Variants in CRB1 observed in about 807,000 individuals in gnomAD.
The protein encoded by CRB1 is crumbs cell polarity complex component 1, also known as protein crumbs homolog 1.
CRB1 carries 83 observed loss-of-function variants against 120.0 expected under a neutral mutation model. The observed-to-expected ratio is 0.69, with a 90% CI of 0.58 to 0.83. The LOEUF is 0.83. CRB1 is among the 40% of genes least tolerant of loss of function. CRB1 has a pLI of 0.00. For missense variants in CRB1, 1,699 were observed against 1,687.6 expected (o/e 1.01, Z -0.12); for synonymous variants, 625 against 612.5 (o/e 1.02, Z -0.30).
At chr1:197,430,516 T>C (rs981316959) in intron 8 of CRB1, among the ~76,000 whole-genome samples, 1 of 152,144 alleles carries the variant, frequency 6.6e-6, no homozygotes, top group Admixed American at 6.5e-5. Flanking sequence ...TTGTCCGCAA[T>C]ATGCTTCTGA....
At chr1:197,307,719 C>T (rs1298430783) in intron 1 of CRB1, among the ~76,000 whole-genome samples, 1 of 152,140 alleles carries the variant, frequency 6.6e-6, no homozygotes, top group Non-Finnish European at 1.5e-5. Flanking sequence ...TGATGAGTTA[C>T]TCATTAATGT....
chr1:197,269,859 T>G (rs1203821646), intron 1 of CRB1, among the ~76,000 whole-genome samples: 1 of 152,196 alleles, frequency 6.6e-6, no homozygotes, highest in Non-Finnish European at 1.5e-5. Context: ...GTTTTTGCTC[T>G]CTTTGAGTAA....
intron 1 of CRB1, among the ~76,000 whole-genome samples, chr1:197,309,673 G>A (rs1175581221): frequency 1.3e-5 from 2 of 151,940 alleles, no homozygotes; most frequent in East Asian, 3.9e-4. Context: ...AGAATGGCAT[G>A]AACCCGGGAG....
chr1:197,460,217 C>T (rs1234693992), intron 11 of CRB1, among the ~76,000 whole-genome samples: 1 of 151,798 alleles, frequency 6.6e-6, no homozygotes, highest in African/African-American at 2.4e-5. Flanking sequence ...AAAAAAGAGT[C>T]TCTGGGGCAA....
At chr1:197,357,144 C>T in intron 5 of CRB1, 131 bp downstream of exon 5, 1 of 879,218 alleles carries the variant, frequency 1.1e-6, no homozygotes, top group Non-Finnish European at 1.9e-6. Flanking sequence ...AAAGGGTCCC[C>T]CTTGTGGGCA....
chr1:197,300,606 G>C lies in CRB1; in HGVS notation c.71-27816G>C, dbSNP rs962713741. On this transcript the variant is annotated intron_variant, in intron 1 of 11. Transcript: ENST00000367400. ...GGAAGAAGCCATCTCCATAACATAA[G>C]AGTGCAAGGTGAAGTAGCAGGTGCT... 1.3e-4 allele frequency among the ~76,000 whole-genome samples: 20 copies of C among 150,616 alleles called. No homozygotes were observed. The South Asian group carries it at 1.7e-3, about 12-fold the overall frequency.
At chr1:197,351,187 C>CAAAAAAAAAAAAAAAAAAAA (rs780090689) in intron 4 of CRB1, among the ~76,000 whole-genome samples, 2 of 85,392 alleles carry the variant, frequency 2.3e-5, no homozygotes, top group Non-Finnish European at 4.4e-5. Flanking sequence ...ACTAAAAATA[C>CAAAAAAAAAAAAAAAAAAAA]AAAAAAAAAA....
At chr1:197,336,476 A>G (rs1308824860) in intron 2 of CRB1, among the ~76,000 whole-genome samples, 1 of 152,222 alleles carries the variant, frequency 6.6e-6, no homozygotes, top group East Asian at 1.9e-4. Context: ...TTGTTTTTAT[A>G]TGCGCTTAAT....
chr1:197,258,114 T>C, the CRB1 span, among the ~76,000 whole-genome samples: 1 of 152,196 alleles, frequency 6.6e-6, no homozygotes, highest in African/African-American at 2.4e-5. Flanking sequence ...GATAACACAA[T>C]AGGGTGACTA....
In CRB1 at chr1:197,438,655, G is replaced by T. The variant is rs765260834; in HGVS notation, c.3858G>T (p.Arg1286=). The change falls in exon 10 of 12, where the codon CGG becomes CGT. Residue 1286 remains arginine (R), a synonymous_variant. Coordinates refer to ENST00000367400, the MANE Select transcript of CRB1 (RefSeq NM_201253.3). ...EFQTELKCMC[R]PGFTGEWCEK... is the part of the protein sequence containing the mutation. ...AGACTGAATTAAAATGTATGTGCCG[G>T]CCAGGTTTTACTGGAGAATGGTGAG... 1.2e-6 allele frequency: 2 copies of T among 1,612,286 alleles called. No homozygotes were observed. Among genetic ancestry groups the T allele is most frequent in the Non-Finnish European group, 1.7e-6 (2 of 1,178,612 alleles).
rs199582748 is a variant in CRB1 at position 197,477,891 on chromosome 1, C to T, written c.*12C>T. ...AGAGACTGATTTAGGAGCATTGTGT[C>T]CCTTCGAGATGGGGATCCACACACT... On this transcript the variant is annotated 3_prime_UTR_variant, in exon 12 of 12. Coordinates refer to ENST00000367400, the MANE Select transcript of CRB1 (RefSeq NM_201253.3). 650 of 1,612,246 alleles carry T rather than the reference C, an allele frequency of 4.0e-4. 4 individuals are homozygous for T. The African/African-American group carries it at 8.0e-3, about 20-fold the overall frequency.
chr1:197,452,116 C>G (rs1666002550), intron 11 of CRB1, among the ~76,000 whole-genome samples: 1 of 152,154 alleles, frequency 6.6e-6, no homozygotes, highest in African/African-American at 2.4e-5. Flanking sequence ...GATGAAGAAT[C>G]TAAAGCTCAG....
chr1:197,209,453 C>A, the CRB1 span, among the ~76,000 whole-genome samples: 1 of 152,192 alleles, frequency 6.6e-6, no homozygotes, highest in African/African-American at 2.4e-5. Flanking sequence ...TCAAGCAGTT[C>A]TCCTGCCTTA....
intron 1 of CRB1, 122 bp downstream of exon 1, chr1:197,268,604 T>A: frequency 1.2e-6 from 1 of 804,998 alleles, no homozygotes; most frequent in Non-Finnish European, 2.0e-6. Flanking sequence ...AGTTTTTATT[T>A]GTTTTTTTTT....
At chr1:197,290,583 C>T (rs1223211623) in intron 1 of CRB1, among the ~76,000 whole-genome samples, 3 of 151,664 alleles carry the variant, frequency 2.0e-5, no homozygotes, top group South Asian at 4.2e-4. Flanking sequence ...CCTCTATCAG[C>T]CAACAGGACA....
rs576059012 is a variant in CRB1, at chr1:197,320,104, C to T, written c.71-8318C>T. 3.9e-5 allele frequency among the ~76,000 whole-genome samples: 6 copies of T among 152,356 alleles called. 1 individual carries two copies. Among genetic ancestry groups the T allele is most frequent in the African/African-American group, 1.4e-4 (6 of 41,590 alleles). ...CTTCACTTCAGGAAATAATTGATAG[C>T]ATCCCTACTTTATTTCTGCACAGCA... On this transcript the variant is annotated intron_variant, in intron 1 of 11. Transcript: ENST00000367400.
At chr1:197,442,714 T>C (rs1191095473) in intron 11 of CRB1, 1 of 336,760 alleles carries the variant, frequency 3.0e-6, no homozygotes, top group Non-Finnish European at 5.1e-6. Context: ...GAATGACCAC[T>C]GCAATTTCTT....
the CRB1 span, among the ~76,000 whole-genome samples, chr1:197,218,648 A>G: frequency 8.5e-5 from 13 of 152,280 alleles, no homozygotes; most frequent in African/African-American, 2.9e-4. Flanking sequence ...AAGTCCCTTG[A>G]CTGTGGATGA....
At chr1:197,247,368 G>T in the CRB1 span, among the ~76,000 whole-genome samples, 1 of 151,998 alleles carries the variant, frequency 6.6e-6, no homozygotes, top group East Asian at 1.9e-4. Context: ...TGTCATTGTT[G>T]TAATGTTGAC....
Sources: allele counts gnomAD v4.1 joint callset (sites outside exome capture counted in the v4.1 genomes callset), GRCh38; gene constraint gnomAD v4.1.1; transcripts MANE v1.5; gene names NCBI Gene and HGNC (gene_info 2026-07-23, HGNC 2026-07-21).